The following MBP variants were observed in gnomAD, a reference collection of about 807,000 sequenced individuals.
The protein encoded by MBP is myelin basic protein, also known as Golli-MBP.
Under a neutral mutation model 35.8 loss-of-function variants are expected in MBP, and 16 were observed. The observed-to-expected ratio is 0.45, with a 90% CI of 0.30 to 0.68. MBP has a LOEUF of 0.68. Ranked by LOEUF, MBP falls within the 30% of genes least tolerant of loss-of-function variation. The probability of loss-of-function intolerance (pLI) is 0.08; values close to 1 mark genes in which losing one functional copy is unlikely to be tolerated. For synonymous variants in MBP, 143 were observed against 159.6 expected, an observed-to-expected ratio of 0.90 and a Z score of 0.78; for missense variants, 380 against 404.7, an observed-to-expected ratio of 0.94 and a Z score of 0.52.
intron 3 of MBP, among the ~76,000 whole-genome samples, chr18:77,056,550 C>T (rs1973730773): frequency 6.6e-6 from 1 of 152,186 alleles, no homozygotes; most frequent in South Asian, 2.1e-4. Flanking sequence ...GTGGTAAGCG[C>T]TAATCTGCAA....
chr18:77,062,966 G>A (rs1054559438), intron 3 of MBP, among the ~76,000 whole-genome samples: 7 of 152,130 alleles, frequency 4.6e-5, no homozygotes, highest in African/African-American at 7.2e-5. Context: ...TGGATGAAAC[G>A]GCTGCCAAGA....
At chr18:77,066,587 G>C (rs1231540802) in intron 2 of MBP, 1 of 752,658 alleles carries the variant, frequency 1.3e-6, no homozygotes, top group East Asian at 2.5e-5. Context: ...CTCTGCCTAA[G>C]CACCTAAGCA....
intron 4 of MBP, among the ~76,000 whole-genome samples, chr18:77,008,055 C>T (rs3794835): frequency 0.037 from 5,682 of 152,188 alleles, 115 homozygotes; most frequent in Middle Eastern, 0.051. Flanking sequence ...CTCCATCTCT[C>T]TGTGGCCAGG....
intron 3 of MBP, among the ~76,000 whole-genome samples, chr18:77,035,976 A>G (rs1648115960): frequency 1.3e-5 from 2 of 152,262 alleles, no homozygotes; most frequent in African/African-American, 2.4e-5. Flanking sequence ...CTCATAGAGT[A>G]AATAGAACCG....
In MBP at chr18:76,989,930, A is replaced by G; in HGVS notation, c.681+26T>C. On this transcript the variant is annotated intron_variant, in intron 5 of 8. Transcript: ENST00000355994. The surrounding 1 kb of genome is among the most constrained non-coding windows in gnomAD (Gnocchi z 4.0). ...ACCCCTCCTCCCCCTCACAGTTGCT[A>G]CCTCTTCCCATCGATCGTCACTTAC... 1 of 1,584,198 alleles carries G rather than the reference A, an allele frequency of 6.3e-7. No homozygotes were observed. Among genetic ancestry groups the G allele is most frequent in the African/African-American group, 1.3e-5 (1 of 74,174 alleles).
chr18:77,062,237 T>G (rs1339220192), intron 3 of MBP, among the ~76,000 whole-genome samples: 1 of 152,220 alleles, frequency 6.6e-6, no homozygotes, highest in Non-Finnish European at 1.5e-5. Flanking sequence ...CTGCCTTTAG[T>G]TTAGCCCCAC....
intron 1 of MBP, among the ~76,000 whole-genome samples, chr18:77,111,173 G>A (rs1223833573): frequency 6.6e-6 from 1 of 152,130 alleles, no homozygotes; most frequent in Admixed American, 6.5e-5. Context: ...CTGTGGGTCC[G>A]TCAGATGAAA....
At chr18:77,074,973 C>T (rs1974594972) in intron 2 of MBP, among the ~76,000 whole-genome samples, 1 of 152,110 alleles carries the variant, frequency 6.6e-6, no homozygotes, top group Non-Finnish European at 1.5e-5. Context: ...ATGTTCTAGG[C>T]AATACTATCT....
chr18:77,033,822 C>G (rs1972640134), intron 3 of MBP, among the ~76,000 whole-genome samples: 1 of 151,422 alleles, frequency 6.6e-6, no homozygotes, highest in Admixed American at 6.6e-5. Flanking sequence ...ACACACCCAC[C>G]CACATATCCA....
intron 2 of MBP, among the ~76,000 whole-genome samples, chr18:77,088,632 G>GT (rs541431425): frequency 1.4e-5 from 2 of 147,232 alleles, no homozygotes; most frequent in South Asian, 2.3e-4. Flanking sequence ...TTATTAAACA[G>GT]TTTTTTTGTG....
intron 3 of MBP, among the ~76,000 whole-genome samples, chr18:77,046,986 G>A (rs191306864): frequency 4.6e-5 from 7 of 152,350 alleles, no homozygotes; most frequent in African/African-American, 1.2e-4. Context: ...TTCATGGAGA[G>A]GTCAACCAGG....
intron 2 of MBP, 84 bp downstream of exon 2, chr18:77,105,127 T>A: frequency 7.7e-7 from 1 of 1,295,240 alleles, no homozygotes; most frequent in Non-Finnish European, 1.1e-6. Context: ...CAAGAGCCCA[T>A]GCCCGTAGCC....
chr18:77,133,022 C>T (rs1433312892), upstream of MBP, among the ~76,000 whole-genome samples: 4 of 152,092 alleles, frequency 2.6e-5, no homozygotes, highest in African/African-American at 7.2e-5. Context: ...TGGAGCCTCG[C>T]CCGCTGCCGA....
At chr18:77,022,873 G>A (rs1467038429) in intron 3 of MBP, among the ~76,000 whole-genome samples, 3 of 152,194 alleles carry the variant, frequency 2.0e-5, no homozygotes, top group South Asian at 2.1e-4. Flanking sequence ...TGGTAGGGGC[G>A]AGTGCAGTTT....
chr18:77,083,390 C>T (rs879542935), intron 2 of MBP, among the ~76,000 whole-genome samples: 4 of 152,142 alleles, frequency 2.6e-5, no homozygotes, highest in Admixed American at 6.5e-5. Flanking sequence ...TTTCTTTCGA[C>T]AAAGTTTTGA....
intron 3 of MBP, among the ~76,000 whole-genome samples, chr18:77,022,480 G>A (rs1972029257): frequency 6.6e-6 from 1 of 152,180 alleles, no homozygotes; most frequent in Non-Finnish European, 1.5e-5. Context: ...GTACATCATT[G>A]CACTGTAGTG....
chr18:77,029,066 G>C (rs1423449280), intron 3 of MBP, among the ~76,000 whole-genome samples: 4 of 103,594 alleles, frequency 3.9e-5, no homozygotes, highest in African/African-American at 1.1e-4. Flanking sequence ...AGGCGGCTGG[G>C]AGGTGGAGGT....
At chr18:77,054,721 C>T (rs1973654728) in intron 3 of MBP, among the ~76,000 whole-genome samples, 1 of 152,186 alleles carries the variant, frequency 6.6e-6, no homozygotes, top group Non-Finnish European at 1.5e-5. Context: ...AGCTCAAGTT[C>T]CAATCCCTGT....
chr18:77,050,130 T>C (rs1235987403), intron 3 of MBP, among the ~76,000 whole-genome samples: 1 of 152,236 alleles, frequency 6.6e-6, no homozygotes, highest in Non-Finnish European at 1.5e-5. Context: ...AAGTTTTCTT[T>C]GAGTAATGCT....
Sources: gnomAD v4.1 joint callset for allele counts (sites outside exome capture counted in the v4.1 genomes callset) on GRCh38, gnomAD v4.1.1 for gene constraint, Gnocchi (gnomAD v3.1) non-coding constraint, MANE v1.5 for transcripts, NCBI Gene and HGNC (gene_info 2026-07-23, HGNC 2026-07-21) for gene names.